Variants in ZMAT4 observed in about 807,000 individuals in gnomAD.
ZMAT4 encodes the protein zinc finger matrin-type 4, also known as zinc finger matrin-type protein 4.
Under a neutral mutation model 28.7 loss-of-function variants are expected in ZMAT4, and 17 were observed. That is an observed-to-expected ratio of 0.59 (90% CI 0.41 to 0.89). ZMAT4 has a LOEUF of 0.89. ZMAT4 is among the 40% of genes least tolerant of loss of function. ZMAT4 has a pLI of 0.00. For missense variants in ZMAT4, 240 were observed against 283.8 expected, an observed-to-expected ratio of 0.85 and a Z score of 1.11; for synonymous variants, 117 against 109.2, an observed-to-expected ratio of 1.07 and a Z score of -0.44.
intron 1 of ZMAT4, among the ~76,000 whole-genome samples, chr8:40,880,963 A>C (rs1345423051): frequency 1.3e-5 from 2 of 152,062 alleles, no homozygotes; most frequent in East Asian, 3.9e-4. Flanking sequence ...AACTCCCCAC[A>C]CCATTAAGTA....
chr8:40,825,584 G>A lies in ZMAT4; in HGVS notation c.93C>T (p.Ala31=). 6.4e-7 allele frequency: 1 copy of A among 1,552,398 alleles called. No homozygotes were observed. The highest frequency in any genetic ancestry group is 8.7e-7 in the Non-Finnish European group (1 of 1,147,328). ...GAAACGCTGTCCTTACCTCGTAGTGGGCCACACGCTGCGATTCGGAGATCA... is the reference window on the plus strand; with the variant it reads ...GAAACGCTGTCCTTACCTCGTAGTGAGCCACACGCTGCGATTCGGAGATCA... ...AQLISESQRV[A]HYESRKHASK... The change falls in exon 2 of 7, where the codon GCC becomes GCT. Residue 31 remains alanine (A), a synonymous_variant. Transcript: ENST00000297737.
chr8:40,879,414 C>A (rs745975533), intron 1 of ZMAT4, among the ~76,000 whole-genome samples: 2 of 152,130 alleles, frequency 1.3e-5, no homozygotes, highest in Non-Finnish European at 2.9e-5. Context: ...CAAAGTGAGA[C>A]CCTGTCTCTT....
At chr8:40,667,649 C>T (rs1808478187) in intron 5 of ZMAT4, among the ~76,000 whole-genome samples, 1 of 151,944 alleles carries the variant, frequency 6.6e-6, no homozygotes, top group African/African-American at 2.4e-5. Context: ...ATGCTGGAAA[C>T]CTTGAATAAC....
chr8:40,820,296 G>A (rs561169099), intron 2 of ZMAT4, among the ~76,000 whole-genome samples: 23 of 150,858 alleles, frequency 1.5e-4, no homozygotes, highest in African/African-American at 4.9e-4. Flanking sequence ...ATGTGTGTAT[G>A]TGTGTGCGGG....
At chr8:40,603,274 T>C (rs2118627832) in intron 5 of ZMAT4, among the ~76,000 whole-genome samples, 1 of 152,342 alleles carries the variant, frequency 6.6e-6, no homozygotes, top group East Asian at 1.9e-4. Flanking sequence ...TTCTGTTCCA[T>C]TGGTCTATGT....
chr8:40,627,832 C>T (rs943496681), intron 5 of ZMAT4, among the ~76,000 whole-genome samples: 3 of 151,696 alleles, frequency 2.0e-5, no homozygotes, highest in Admixed American at 6.6e-5. Context: ...TTAGAGAATC[C>T]TTTGAGGGGA....
intron 5 of ZMAT4, among the ~76,000 whole-genome samples, chr8:40,601,549 GAGAA>G (rs1325521332): frequency 3.2e-4 from 45 of 140,574 alleles, no homozygotes; most frequent in East Asian, 2.0e-3. Context: ...AAGGGGGAGT[GAGAA>G]AGAAAGAAAG....
At chr8:40,545,665 G>A (rs1288183164) in intron 6 of ZMAT4, among the ~76,000 whole-genome samples, 1 of 152,134 alleles carries the variant, frequency 6.6e-6, no homozygotes, top group Admixed American at 6.5e-5. Context: ...TCTACCAGAA[G>A]TCAGGAGAAA....
chr8:40,619,998 A>G (rs1338300562), intron 5 of ZMAT4, among the ~76,000 whole-genome samples: 1 of 152,232 alleles, frequency 6.6e-6, no homozygotes, highest in Non-Finnish European at 1.5e-5. Flanking sequence ...AATGCACAGT[A>G]GAAACATTCA....
chr8:40,682,449 T>A (rs1461533752), intron 4 of ZMAT4, among the ~76,000 whole-genome samples: 2 of 152,192 alleles, frequency 1.3e-5, no homozygotes, highest in African/African-American at 4.8e-5. Context: ...TTATCACAGA[T>A]CCAAATATGG....
In ZMAT4 at chr8:40,530,885, G is replaced by T. The variant is rs749812580; in HGVS notation, c.*1338C>A. 6.6e-6 allele frequency: 1 copy of T among 152,536 alleles called. No individual in the cohort carries two copies. The highest frequency in any genetic ancestry group is 6.5e-5 in the Admixed American group (1 of 15,272). 9.4% of individuals were successfully genotyped at this position (152,536 alleles called of 1,614,324 possible). On this transcript the variant is annotated 3_prime_UTR_variant, in exon 7 of 7. Transcript: ENST00000297737. ...CCAGATTTTGAACACAGGTAAACAG[G>T]CTCCTTCATAACAACACTGTGCATT...
At chr8:40,630,966 A>G (rs1806554051) in intron 5 of ZMAT4, among the ~76,000 whole-genome samples, 1 of 119,260 alleles carries the variant, frequency 8.4e-6, no homozygotes, top group Admixed American at 9.2e-5. Flanking sequence ...GAAAATATTA[A>G]TTAGAAATGC....
At chr8:40,747,293 A>G (rs1347038561) in intron 3 of ZMAT4, among the ~76,000 whole-genome samples, 1 of 152,190 alleles carries the variant, frequency 6.6e-6, no homozygotes, top group Non-Finnish European at 1.5e-5. Flanking sequence ...ATTGCAGAGG[A>G]GGAAATAATG....
At chr8:40,615,048 T>A in intron 5 of ZMAT4, among the ~76,000 whole-genome samples, 1 of 152,240 alleles carries the variant, frequency 6.6e-6, no homozygotes, top group African/African-American at 2.4e-5. Flanking sequence ...TGGCATGTTT[T>A]TGCAGTGGCT....
intron 2 of ZMAT4, among the ~76,000 whole-genome samples, chr8:40,812,935 AAAATTAAATTAAATT>A (rs67062060): frequency 2.3e-3 from 181 of 78,040 alleles, no homozygotes; most frequent in Admixed American, 0.011. Context: ...CTCCATCTCA[AAAATTAAATTAAATT>A]AAATTAAATT....
intron 1 of ZMAT4, among the ~76,000 whole-genome samples, chr8:40,870,637 A>G (rs1471257534): frequency 1.3e-5 from 2 of 152,332 alleles, no homozygotes; most frequent in East Asian, 3.9e-4. Context: ...ATGTCCTCGT[A>G]CAAGACTGAG....
chr8:40,783,727 G>T (rs987297169), intron 2 of ZMAT4, among the ~76,000 whole-genome samples: 2 of 152,036 alleles, frequency 1.3e-5, no homozygotes, highest in Non-Finnish European at 2.9e-5. Flanking sequence ...TAAAGAAATT[G>T]AGGCCAGGCA....
At chr8:40,566,452 A>C (rs1280966996) in intron 6 of ZMAT4, among the ~76,000 whole-genome samples, 3 of 152,104 alleles carry the variant, frequency 2.0e-5, no homozygotes, top group African/African-American at 7.2e-5. Context: ...GGTGCAGCAG[A>C]GGGTGGTCAT....
Position 40,714,299 on chromosome 8 carries a change from C to T in ZMAT4, c.193-16898G>A, listed in dbSNP as rs914150240. 4.0e-5 allele frequency among the ~76,000 whole-genome samples: 6 copies of T among 151,822 alleles called. No individual in the cohort carries two copies. The South Asian group carries it at 6.2e-4, about 16-fold the overall frequency. On this transcript the variant is annotated intron_variant, in intron 3 of 6. Transcript: ENST00000297737. ...CATACAAGGTTGATTGCTAAGGTGC[C>T]GATTATAACAGCAAAATAAGCAGAA... is the stretch of plus-strand genomic sequence containing the variant.
Sources: gnomAD v4.1 joint callset for allele counts (sites outside exome capture counted in the v4.1 genomes callset) on GRCh38, gnomAD v4.1.1 for gene constraint, MANE v1.5 for transcripts, NCBI Gene and HGNC (gene_info 2026-07-23, HGNC 2026-07-21) for gene names.